Variants in PAOX observed in about 807,000 individuals in gnomAD.
The protein encoded by PAOX is peroxisomal N(1)-acetyl-spermine/spermidine oxidase.
Under a neutral mutation model 39.0 loss-of-function variants are expected in PAOX, and 38 were observed. The observed-to-expected ratio is 0.97, with a 90% CI of 0.75 to 1.28. The LOEUF is 1.28. Among genes scored for constraint, PAOX ranks in the 50% most tolerant of loss-of-function variants. PAOX has a pLI of 0.00. For synonymous variants in PAOX, 311 were observed against 314.4 expected, an observed-to-expected ratio of 0.99 and a Z score of 0.11; for missense variants, 667 against 685.7, an observed-to-expected ratio of 0.97 and a Z score of 0.30.
Position 133,384,239 on chromosome 10 carries a change from C to T in PAOX, c.1121+27C>T, listed in dbSNP as rs374647625. On this transcript the variant is annotated intron_variant, in intron 4 of 6. Transcript: ENST00000278060. The surrounding 1 kb of genome is among the most constrained non-coding windows in gnomAD (Gnocchi z 4.3). ...TACGTTTGCTCCCTGAGAAGTTCTG[C>T]GAGTGGCTGGCTCATAGGCCTTCAT... The T allele has an allele frequency of 3.0e-5, 49 of 1,607,100 alleles. No homozygotes were observed. In the Admixed American group the frequency reaches 3.5e-4, roughly 12 times the overall value.
rs1161164659 is a variant in PAOX, at chr10:133,391,352, T to C, written c.1433T>C (p.Phe478Ser). The change falls in exon 7 of 7, where the codon TTT becomes TCT. Residue 478 changes from phenylalanine to serine, a missense_variant. Transcript: ENST00000278060. ...LFAGEATHRTFYSTTHGALLS... is the reference protein window; with the variant it reads ...LFAGEATHRTSYSTTHGALLS... Reference sequence around the variant, plus strand: ...GCGGGGGAAGCCACACATCGCACGTTTTACTCCACGACGCACGGGGCTCTG... The same window carrying C: ...GCGGGGGAAGCCACACATCGCACGTCTTACTCCACGACGCACGGGGCTCTG... 1 of 1,613,596 alleles carries C rather than the reference T, an allele frequency of 6.2e-7. No homozygotes were observed.
intron 4 of PAOX, among the ~76,000 whole-genome samples, chr10:133,386,331 G>T (rs1470321700): frequency 6.6e-6 from 1 of 151,974 alleles, no homozygotes; most frequent in East Asian, 1.9e-4. Context: ...GGCCTTTTCT[G>T]CAAAACTCTT....
At chr10:133,382,519 C>T (rs139174076) in intron 3 of PAOX, among the ~76,000 whole-genome samples, 74 of 152,278 alleles carry the variant, frequency 4.9e-4, no homozygotes, top group African/African-American at 1.5e-3. Flanking sequence ...CGGTGGCTCA[C>T]GCTTGTAATC....
At chr10:133,383,152 T>A (rs2133463361) in intron 3 of PAOX, among the ~76,000 whole-genome samples, 1 of 152,180 alleles carries the variant, frequency 6.6e-6, no homozygotes, top group East Asian at 1.9e-4. Context: ...GCCATTGCAC[T>A]CCAGCCTGGG....
chr10:133,381,102 A>G (rs1849357647), intron 2 of PAOX, among the ~76,000 whole-genome samples: 1 of 152,260 alleles, frequency 6.6e-6, no homozygotes, highest in African/African-American at 2.4e-5. Context: ...TACCAGGTGC[A>G]GATGAGACCC....
At chr10:133,380,598 C>T in intron 2 of PAOX, 113 bp downstream of exon 2, 1 of 1,363,732 alleles carries the variant, frequency 7.3e-7, no homozygotes, top group Non-Finnish European at 9.7e-7. Flanking sequence ...ACCATTTGTC[C>T]TCCCCATTCC....
At position 133,389,753 on chromosome 10, in the gene PAOX, T is replaced by TCGG; in HGVS notation, c.1392+6_1392+7insCGG. 4 of 1,493,466 alleles carry TCGG rather than the reference T, an allele frequency of 2.7e-6. No homozygotes were observed. The highest frequency in any genetic ancestry group is 3.6e-6 in the Non-Finnish European group (4 of 1,122,154). The allele number at this position is 1,493,466 out of a possible 1,614,324, so 92.5% of individuals were successfully genotyped here. On this transcript the variant is annotated splice_region_variant and intron_variant, in intron 6 of 6. Transcript: ENST00000278060. ...CAGACGGCGCCGGCGCCCAGGTATG[T>TCGG]GGCGTGCCCCAGTCGGGGGGCGTGG...
chr10:133,381,879 G>A (rs1012706687), intron 3 of PAOX, among the ~76,000 whole-genome samples: 9 of 152,190 alleles, frequency 5.9e-5, no homozygotes, highest in Admixed American at 1.3e-4. Context: ...GTAAGTATGC[G>A]TCCTGCTCGC....
Position 133,389,593 on chromosome 10 carries a change from A to G in PAOX, c.1238A>G (p.Asn413Ser). 6.2e-7 allele frequency: 1 copy of G among 1,613,798 alleles called. No individual in the cohort carries two copies. Among genetic ancestry groups the G allele is most frequent in the Non-Finnish European group, 8.5e-7 (1 of 1,179,978 alleles). The change falls in exon 6 of 7, where the codon AAC becomes AGC. Residue 413 changes from asparagine (N) to serine (S), a missense_variant. Coordinates refer to ENST00000278060, the MANE Select transcript of PAOX (RefSeq NM_152911.4). ...ATGCAGTGTCTCTGTGGCTCAGGAA[A>G]CCCACGGCTCCCCGCGCCCAAGAGC... Reference protein sequence around the residue: ...LTQVLRRVTGNPRLPAPKSVL... With the variant: ...LTQVLRRVTGSPRLPAPKSVL...
In PAOX at chr10:133,380,109, G is replaced by C; in HGVS notation, c.292G>C (p.Glu98Gln). ...GLLGEKELSQ[E>Q]NQLVETGGHV... is the part of the protein sequence containing the mutation. ...GCTGGGGGAGAAGGAGCTGTCCCAG[G>C]AGAACCAGCTGGTGGAGACCGGGGG... The change falls in exon 2 of 7, where the codon GAG becomes CAG. Residue 98 changes from glutamate (E) to glutamine (Q), a missense_variant. Transcript: ENST00000278060. The C allele has an allele frequency of 6.4e-7, 1 of 1,569,022 alleles. No individual in the cohort carries two copies. The highest frequency in any genetic ancestry group is 8.6e-7 in the Non-Finnish European group (1 of 1,157,364).
At chr10:133,386,356 A>G (rs984993102) in intron 4 of PAOX, among the ~76,000 whole-genome samples, 4 of 151,868 alleles carry the variant, frequency 2.6e-5, no homozygotes, top group African/African-American at 9.7e-5. Flanking sequence ...GTTACACTTA[A>G]TAGAAGACAT....
chr10:133,386,825 A>G (rs990950921), intron 4 of PAOX, among the ~76,000 whole-genome samples: 2 of 152,246 alleles, frequency 1.3e-5, no homozygotes, highest in African/African-American at 2.4e-5. Flanking sequence ...ATTCTTTGAT[A>G]CTACCTCAAA....
chr10:133,379,535 C>G, intron 1 of PAOX, 38 bp downstream of exon 1: 1 of 1,222,324 alleles, frequency 8.2e-7, no homozygotes, highest in Non-Finnish European at 1.0e-6. Context: ...GGAACCCAAC[C>G]GGCTGCGCCC....
Position 133,379,467 on chromosome 10 carries a change from G to T in PAOX, c.151G>T (p.Gly51Trp). 2 of 1,224,892 alleles carry T rather than the reference G, an allele frequency of 1.6e-6. No individual in the cohort carries two copies. The highest frequency in any genetic ancestry group is 4.1e-5 in the South Asian group (1 of 24,218). The allele number at this position is 1,224,892 out of a possible 1,614,324, so 75.9% of individuals were successfully genotyped here. A position where few individuals can be genotyped will look rare whatever the true frequency, so the allele number is the denominator to read the frequency against. The change falls in exon 1 of 7, where the codon GGG becomes TGG. Residue 51 changes from glycine to tryptophan, a missense_variant. Physicochemically the swap from Gly to Trp is radical, Grantham distance 184. Coordinates refer to ENST00000278060, the MANE Select transcript of PAOX (RefSeq NM_152911.4). ...LRVLEATARA[G>W]GRIRSERCFG... is the part of the protein sequence containing the mutation. Reference sequence around the variant, plus strand: ...GGTCCTGGAGGCCACGGCCCGCGCCGGGGGCCGCATCCGCTCGGAGCGCTG... The same window carrying T: ...GGTCCTGGAGGCCACGGCCCGCGCCTGGGGCCGCATCCGCTCGGAGCGCTG...
At chr10:133,390,473 T>G (rs1007722487) in intron 6 of PAOX, among the ~76,000 whole-genome samples, 3 of 151,740 alleles carry the variant, frequency 2.0e-5, no homozygotes, top group Non-Finnish European at 4.4e-5. Context: ...AGCATGCACC[T>G]GTAGTCCCAG....
chr10:133,384,317 T>G lies in PAOX; in HGVS notation c.1121+105T>G, dbSNP rs1298196018. The G allele has an allele frequency of 2.0e-6, 3 of 1,506,468 alleles. No individual in the cohort carries two copies. The highest frequency in any genetic ancestry group is 2.7e-6 in the Non-Finnish European group (3 of 1,116,488). The allele number at this position is 1,506,468 out of a possible 1,614,324, so 93.3% of individuals were successfully genotyped here. ...TTCACTGCAGGGTATTTCTAGGGGG[T>G]TTAATGGGTAGGGTTCCCATGAGCG... On this transcript the variant is annotated intron_variant, in intron 4 of 6. Transcript: ENST00000278060. This position sits in a 1 kb window ranked among gnomAD's most constrained non-coding sequence, Gnocchi z 4.3.
At position 133,384,867 on chromosome 10, in the gene PAOX, A is replaced by G. The variant is rs1849491322; in HGVS notation, c.1121+655A>G. Among the ~76,000 whole-genome samples the G allele has an allele frequency of 6.6e-6, 1 of 152,012 alleles. No individual in the cohort carries two copies. Among genetic ancestry groups the G allele is most frequent in the Admixed American group, 6.6e-5 (1 of 15,254 alleles). ...AAGTTCTTGTTCTGAAAGACCCGGGATGGGGTGGGATGTAGGGCATGCCTG... is the reference window on the plus strand; with the variant it reads ...AAGTTCTTGTTCTGAAAGACCCGGGGTGGGGTGGGATGTAGGGCATGCCTG... On this transcript the variant is annotated intron_variant, in intron 4 of 6. Transcript: ENST00000278060. This position sits in a 1 kb window ranked among gnomAD's most constrained non-coding sequence, Gnocchi z 4.3.
In PAOX at chr10:133,384,067, G is replaced by T. The variant is rs1231125827; in HGVS notation, c.976G>T (p.Glu326Ter). 1 of 1,614,192 alleles carries T rather than the reference G, an allele frequency of 6.2e-7. No individual in the cohort carries two copies. Among genetic ancestry groups the T allele is most frequent in the South Asian group, 1.1e-5 (1 of 91,082 alleles). Residue 326 changes from glutamate (E) to a stop codon, truncating the protein, a stop_gained, in exon 4 of 7, where the codon GAG becomes TAG. Transcript: ENST00000278060. LOFTEE classifies it high-confidence loss of function. The surrounding 1 kb of genome is among the most constrained non-coding windows in gnomAD (Gnocchi z 4.3). ...GFGTNNKIFL[E>*]FEEPFWEPDC... The stretch of plus-strand genomic sequence containing the variant: ...TGGGACCAACAACAAAATCTTCCTG[G>T]AGTTTGAGGAGCCCTTCTGGGAGCC...
intron 4 of PAOX, among the ~76,000 whole-genome samples, chr10:133,385,967 T>G (rs910534535): frequency 6.6e-6 from 1 of 152,270 alleles, no homozygotes; most frequent in South Asian, 2.1e-4. Flanking sequence ...TAAATGAATA[T>G]TTTCTTAAAA....
Sources: gnomAD v4.1 joint callset for allele counts (sites outside exome capture counted in the v4.1 genomes callset) on GRCh38, gnomAD v4.1.1 for gene constraint, Gnocchi (gnomAD v3.1) non-coding constraint, MANE v1.5 for transcripts, NCBI Gene and HGNC (gene_info 2026-07-23, HGNC 2026-07-21) for gene names.